SFTPC: variants seen among roughly 807,000 people sequenced by gnomAD.
The protein encoded by SFTPC is surfactant protein C.
In SFTPC, 12 loss-of-function variants were observed where a neutral mutation model predicts 19.9. That is an observed-to-expected ratio of 0.60 (90% confidence interval 0.39 to 0.98). SFTPC has a LOEUF of 0.98. Among genes scored for constraint, SFTPC ranks in the 50% least tolerant of loss-of-function variants. The probability of loss-of-function intolerance (pLI) is 0.00; values close to 1 mark genes in which losing one functional copy is unlikely to be tolerated. For missense variants in SFTPC, 219 were observed against 252.2 expected (o/e 0.87, Z 0.89); for synonymous variants, 123 against 103.3 (o/e 1.19, Z -1.16).
Position 22,162,733 on chromosome 8 carries a change from G to A in SFTPC, c.201+1G>A. On this transcript the variant is annotated splice_donor_variant, in intron 2 of 5. Transcript: ENST00000679463. LOFTEE classifies it high-confidence loss of function. The stretch of plus-strand genomic sequence containing the variant: ...CATGAGCCAGAAACACACGGAGATG[G>A]TGAGAGGTGTGGGATGCACAGCAGT... 6.2e-7 allele frequency: 1 copy of A among 1,614,148 alleles called. No homozygotes were observed. Among genetic ancestry groups the A allele is most frequent in the Non-Finnish European group, 8.5e-7 (1 of 1,180,008 alleles).
In SFTPC at chr8:22,162,687, A is replaced by C. The variant is rs1312942349; in HGVS notation, c.156A>C (p.Gly52=). 1 of 1,613,938 alleles carries C rather than the reference A, an allele frequency of 6.2e-7. No individual in the cohort carries two copies. The highest frequency in any genetic ancestry group is 1.7e-5 in the Admixed American group (1 of 60,002). ...TCCTCATCGTCGTGGTGATTGTGGG[A>C]GCCCTGCTCATGGGTCTCCACATGA... The part of the protein sequence containing the change: ...VVVLIVVVIV[G]ALLMGLHMSQ... The change falls in exon 2 of 6, where the codon GGA becomes GGC. Residue 52 remains glycine (G), a synonymous_variant. Coordinates refer to ENST00000679463, the MANE Select transcript of SFTPC (RefSeq NM_001317778.2).
upstream of SFTPC, among the ~76,000 whole-genome samples, chr8:22,157,897 A>G (rs11776899): frequency 2.0e-5 from 3 of 152,032 alleles, no homozygotes; most frequent in African/African-American, 7.3e-5. Context: ...TTAAATTCAC[A>G]TGTAAATAAA....
upstream of SFTPC, among the ~76,000 whole-genome samples, chr8:22,160,474 A>G (rs941528052): frequency 8.5e-5 from 13 of 152,186 alleles, no homozygotes; most frequent in African/African-American, 2.4e-4. Flanking sequence ...AGCTGGGCAC[A>G]ATGGCATGCA....
chr8:22,161,951 C>G, intron 1 of SFTPC, 81 bp downstream of exon 1: 1 of 1,402,442 alleles, frequency 7.1e-7, no homozygotes, highest in Non-Finnish European at 1.0e-6. Context: ...TCCTCCCTGG[C>G]CTGTTTCCTT....
intron 3 of SFTPC, 109 bp from the exon 4 acceptor site, chr8:22,163,327 G>A: frequency 1.3e-6 from 2 of 1,531,328 alleles, no homozygotes. Flanking sequence ...CTGAGCCCCA[G>A]ATTCTAGTAT....
intron 4 of SFTPC, 123 bp from the exon 5 acceptor site, chr8:22,163,778 C>A (rs1325669310): frequency 1.0e-6 from 1 of 996,714 alleles, no homozygotes; most frequent in Middle Eastern, 2.0e-4. Flanking sequence ...AGCACAGCCC[C>A]TCTTTACTGA....
chr8:22,162,270 T>C (rs1204129772), intron 1 of SFTPC, among the ~76,000 whole-genome samples: 2 of 152,066 alleles, frequency 1.3e-5, no homozygotes, highest in African/African-American at 2.4e-5. Flanking sequence ...AGGTGATCAC[T>C]TGGGGAGAGA....
intron 4 of SFTPC, 93 bp from the exon 5 acceptor site, chr8:22,163,808 A>G: frequency 8.4e-7 from 1 of 1,196,762 alleles, no homozygotes; most frequent in South Asian, 1.2e-5. Context: ...TGAGGCTCAG[A>G]GAGATTGCCT....
At chr8:22,159,773 A>C, upstream of SFTPC, 1 of 1,289,456 alleles carries the variant, frequency 7.8e-7, no homozygotes, top group East Asian at 5.6e-5. Flanking sequence ...TGGCCCCCCG[A>C]GATGCCCACA....
At chr8:22,160,989 G>T (rs1016965564), upstream of SFTPC, among the ~76,000 whole-genome samples, 4 of 152,150 alleles carry the variant, frequency 2.6e-5, no homozygotes, top group Non-Finnish European at 4.4e-5. Context: ...AGGATGGGGA[G>T]ACTGGGAGCC....
rs574963884 is a variant in SFTPC, at chr8:22,163,558, T to G, written c.435+12T>G. ...TCCACAACTTCCAGGTGTGTGTGTG[T>G]GGGTGAAAAGAGTGGGCTGTCTCCC... is the stretch of plus-strand genomic sequence containing the variant. On this transcript the variant is annotated intron_variant, in intron 4 of 5. Coordinates refer to ENST00000679463, the MANE Select transcript of SFTPC (RefSeq NM_001317778.2). 1.1e-4 allele frequency: 167 copies of G among 1,568,158 alleles called. No homozygotes were observed. In the East Asian group the frequency reaches 2.3e-3, roughly 22 times the overall value.
chr8:22,158,064 A>G (rs2131802524), upstream of SFTPC, among the ~76,000 whole-genome samples: 1 of 152,306 alleles, frequency 6.6e-6, no homozygotes, highest in Middle Eastern at 3.4e-3. Flanking sequence ...GCGGAGGATG[A>G]CTGTCCTAAG....
At position 22,164,396 on chromosome 8, in the gene SFTPC, G is replaced by C; in HGVS notation, c.*149G>C. 2 of 1,531,726 alleles carry C rather than the reference G, an allele frequency of 1.3e-6. No individual in the cohort carries two copies. Among genetic ancestry groups the C allele is most frequent in the Non-Finnish European group, 1.7e-6 (2 of 1,144,930 alleles). 94.9% of individuals were successfully genotyped at this position (1,531,726 alleles called of 1,614,324 possible). ...CCCTGGAGAAATGGGAGCTTGGGGA[G>C]AGGATGGGAGTGGGCAGAGGTGGCG... On this transcript the variant is annotated 3_prime_UTR_variant, in exon 6 of 6. Coordinates refer to ENST00000679463, the MANE Select transcript of SFTPC (RefSeq NM_001317778.2).
At chr8:22,161,781 G>A (rs1479383399), upstream of SFTPC, 2 of 1,613,998 alleles carry the variant, frequency 1.2e-6, no homozygotes, top group East Asian at 2.2e-5. Context: ...ATAAGACCCT[G>A]GTCACACCTG....
At chr8:22,161,710 G>A (rs1827725895), upstream of SFTPC, 1 of 1,609,626 alleles carries the variant, frequency 6.2e-7, no homozygotes, top group Non-Finnish European at 8.5e-7. Context: ...AAAGCCAAGG[G>A]CTTGGCTGGC....
At chr8:22,160,421 G>T (rs568026942), upstream of SFTPC, among the ~76,000 whole-genome samples, 7 of 152,280 alleles carry the variant, frequency 4.6e-5, no homozygotes, top group Admixed American at 3.3e-4. Flanking sequence ...GACCAGCCTG[G>T]GCAACATGGT....
chr8:22,161,096 G>C (rs986475868), upstream of SFTPC, among the ~76,000 whole-genome samples: 3 of 152,182 alleles, frequency 2.0e-5, no homozygotes, highest in African/African-American at 7.2e-5. Flanking sequence ...GCAATTGACA[G>C]ACAAGCCCAG....
upstream of SFTPC, among the ~76,000 whole-genome samples, chr8:22,161,208 T>C (rs1230840113): frequency 6.6e-6 from 1 of 152,146 alleles, no homozygotes; most frequent in Non-Finnish European, 1.5e-5. Flanking sequence ...TTGAGGTTGG[T>C]ACCAGATATG....
chr8:22,164,277 G>A lies in SFTPC; in HGVS notation c.*30G>A. ...CCTTTGCTTCACAGGGTCAGTGGAAGCCCCAACGGGAAAGGAAACGCCCCG... is the reference window on the plus strand; with the variant it reads ...CCTTTGCTTCACAGGGTCAGTGGAAACCCCAACGGGAAAGGAAACGCCCCG... On this transcript the variant is annotated 3_prime_UTR_variant, in exon 6 of 6. Coordinates refer to ENST00000679463, the MANE Select transcript of SFTPC (RefSeq NM_001317778.2). The A allele has an allele frequency of 1.3e-6, 2 of 1,536,216 alleles. No homozygotes were observed. Among genetic ancestry groups the A allele is most frequent in the Non-Finnish European group, 1.7e-6 (2 of 1,146,914 alleles).
Sources: allele counts gnomAD v4.1 joint callset (sites outside exome capture counted in the v4.1 genomes callset), GRCh38; gene constraint gnomAD v4.1.1; transcripts MANE v1.5; gene names NCBI Gene and HGNC (gene_info 2026-07-23, HGNC 2026-07-21).